Variants in PDE2A observed in about 807,000 individuals in gnomAD.
PDE2A encodes cGMP-dependent 3',5'-cyclic phosphodiesterase.
A neutral mutation model predicts 133.6 loss-of-function variants in PDE2A; 53 were observed. The ratio of observed to expected loss-of-function variants is 0.40; its 90% CI spans 0.32 to 0.50. The LOEUF (loss-of-function observed/expected upper bound fraction) is 0.50, where lower values mean the gene tolerates loss of function less well. PDE2A is among the 20% of genes least tolerant of loss of function. The pLI is 0.73. For missense variants in PDE2A, 796 were observed against 1,232.4 expected (o/e 0.65, Z 5.30); for synonymous variants, 491 against 490.2 (o/e 1.00, Z -0.02).
intron 2 of PDE2A, among the ~76,000 whole-genome samples, chr11:72,614,780 G>C (rs1857378650): frequency 6.6e-6 from 1 of 152,198 alleles, no homozygotes; most frequent in Non-Finnish European, 1.5e-5. Context: ...TTGCTCAGGT[G>C]AGAACAGCCA....
chr11:72,603,983 G>T (rs973378615), intron 4 of PDE2A, among the ~76,000 whole-genome samples: 2 of 152,214 alleles, frequency 1.3e-5, no homozygotes, highest in Non-Finnish European at 2.9e-5. Context: ...CCTGTGAAAG[G>T]TGAGTGGCTT....
rs572963633 is a variant in PDE2A, at chr11:72,590,255, C to T, written c.704-11G>A. ...GGTCGTAGAGTTCCCCTGCAAGGGC[C>T]AGGCGCCGGTCAGAGAGAGGGCCCC... On this transcript the variant is annotated splice_polypyrimidine_tract_variant and intron_variant, in intron 8 of 30. Transcript: ENST00000334456. This position sits in a 1 kb window ranked among gnomAD's most constrained non-coding sequence, Gnocchi z 4.8. 18 of 1,551,368 alleles carry T rather than the reference C, an allele frequency of 1.2e-5. No homozygotes were observed. The Admixed American group carries it at 2.7e-4, about 24-fold the overall frequency.
intron 2 of PDE2A, among the ~76,000 whole-genome samples, chr11:72,639,079 T>G (rs1036995500): frequency 6.6e-6 from 1 of 152,166 alleles, no homozygotes; most frequent in Non-Finnish European, 1.5e-5. Context: ...CCTTCCAATC[T>G]CAAGGAACCT....
intron 4 of PDE2A, among the ~76,000 whole-genome samples, chr11:72,603,934 T>G (rs76243523): frequency 6.6e-6 from 1 of 152,320 alleles, no homozygotes; most frequent in East Asian, 1.9e-4. Flanking sequence ...CTCAGGACCA[T>G]GAGTCCAGCA....
At chr11:72,620,601 G>A (rs949928312) in intron 2 of PDE2A, among the ~76,000 whole-genome samples, 2 of 152,154 alleles carry the variant, frequency 1.3e-5, no homozygotes, top group Non-Finnish European at 2.9e-5. Context: ...GGTCCCAAAA[G>A]ACAGGCACTT....
chr11:72,630,188 C>T (rs780811703), intron 2 of PDE2A, among the ~76,000 whole-genome samples: 5 of 152,136 alleles, frequency 3.3e-5, no homozygotes, highest in Non-Finnish European at 7.4e-5. Context: ...AGCCCTGCAC[C>T]GGTACCCATC....
At chr11:72,673,880 C>A (rs1855441321) in intron 1 of PDE2A, among the ~76,000 whole-genome samples, 1 of 152,146 alleles carries the variant, frequency 6.6e-6, no homozygotes, top group Non-Finnish European at 1.5e-5. Context: ...CTCCTCCAAC[C>A]AGCAGCCCCT....
chr11:72,625,992 A>T (rs676845), intron 2 of PDE2A, among the ~76,000 whole-genome samples: 1 of 152,142 alleles, frequency 6.6e-6, no homozygotes, highest in East Asian at 1.9e-4. Flanking sequence ...CCGGGGCCGC[A>T]GCATCTGGCC....
intron 5 of PDE2A, 152 bp from the exon 6 acceptor site, chr11:72,596,800 C>T (rs1020057389): frequency 7.1e-6 from 3 of 422,422 alleles, no homozygotes; most frequent in East Asian, 7.1e-5. Context: ...AACACAGAGG[C>T]GGGTCCTGAG....
At chr11:72,623,310 G>C (rs1480374083) in intron 2 of PDE2A, among the ~76,000 whole-genome samples, 1 of 151,858 alleles carries the variant, frequency 6.6e-6, no homozygotes, top group Non-Finnish European at 1.5e-5. Flanking sequence ...TCCTCCCTTG[G>C]CTTCTGGCTT....
At chr11:72,639,186 T>C (rs1170542466) in intron 2 of PDE2A, among the ~76,000 whole-genome samples, 1 of 152,186 alleles carries the variant, frequency 6.6e-6, no homozygotes, top group South Asian at 2.1e-4. Flanking sequence ...CCCTACAGAC[T>C]GCGTCAGTCT....
At chr11:72,589,273 A>T in intron 11 of PDE2A, 33 bp from the exon 12 acceptor site, 1 of 1,520,690 alleles carries the variant, frequency 6.6e-7, no homozygotes, top group Non-Finnish European at 9.1e-7. Context: ...GTCAGGGCCC[A>T]GTACTCCCCA....
intron 2 of PDE2A, among the ~76,000 whole-genome samples, chr11:72,610,339 A>C (rs1365833684): frequency 6.6e-6 from 1 of 152,176 alleles, no homozygotes; most frequent in Non-Finnish European, 1.5e-5. Context: ...GGTCACCAGG[A>C]GAGAGGGAGG....
chr11:72,584,429 G>T, intron 18 of PDE2A, 116 bp from the exon 19 acceptor site: 1 of 1,309,244 alleles, frequency 7.6e-7, no homozygotes, highest in Non-Finnish European at 1.1e-6. Flanking sequence ...CCCAGGCATG[G>T]AACCCGACTC....
At position 72,576,571 on chromosome 11, in the gene PDE2A, G is replaced by A. The variant is rs1056864; in HGVS notation, c.*813C>T. 3 of 169,454 alleles carry A rather than the reference G, an allele frequency of 1.8e-5. No homozygotes were observed. Among genetic ancestry groups the A allele is most frequent in the African/African-American group, 4.8e-5 (2 of 41,522 alleles). The allele number at this position is 169,454 out of a possible 1,614,324, so 10.5% of individuals were successfully genotyped here. A position where few individuals can be genotyped will look rare whatever the true frequency, so the allele number is the denominator to read the frequency against. ...AGCCTCTGCTGGGACTCCGCAGAGC[G>A]ATAGAGCTATTTTAGACATTGATCT... On this transcript the variant is annotated 3_prime_UTR_variant, in exon 31 of 31. Coordinates refer to ENST00000334456, the MANE Select transcript of PDE2A (RefSeq NM_002599.5).
At chr11:72,636,191 C>T in intron 2 of PDE2A, 1 of 1,026,440 alleles carries the variant, frequency 9.7e-7, no homozygotes, top group Middle Eastern at 4.1e-4. Context: ...CAGGAAGGTC[C>T]TGGAGCTGCA....
intron 1 of PDE2A, among the ~76,000 whole-genome samples, chr11:72,666,283 G>A (rs1260105695): frequency 2.0e-5 from 3 of 152,156 alleles, no homozygotes; most frequent in East Asian, 3.8e-4. Flanking sequence ...GGGTCCTGCT[G>A]GGTGACCTTG....
chr11:72,585,728 G>A (rs1855939637), intron 14 of PDE2A, 135 bp from the exon 15 acceptor site: 2 of 738,026 alleles, frequency 2.7e-6, no homozygotes, highest in Admixed American at 2.2e-5. Flanking sequence ...AACTGTCAGT[G>A]TCTAATTATA....
chr11:72,615,205 T>A lies in PDE2A; in HGVS notation c.145-6454A>T, dbSNP rs369713489. Reference sequence around the variant, plus strand: ...GACCCCACACTGTTGGCTCCTCCCTTCCAGCGCCCACAACCAGCTCCGCCC... The same window carrying A: ...GACCCCACACTGTTGGCTCCTCCCTACCAGCGCCCACAACCAGCTCCGCCC... On this transcript the variant is annotated intron_variant, in intron 2 of 30. Transcript: ENST00000334456. 9.0e-4 allele frequency: 354 copies of A among 392,084 alleles called. 1 individual carries two copies. The highest frequency in any genetic ancestry group is 6.4e-3 in the African/African-American group (321 of 49,768). 24.3% of individuals were successfully genotyped at this position (392,084 alleles called of 1,614,324 possible).
Sources: allele counts gnomAD v4.1 joint callset (sites outside exome capture counted in the v4.1 genomes callset), GRCh38; gene constraint gnomAD v4.1.1; non-coding constraint Gnocchi (gnomAD v3.1); transcripts MANE v1.5; gene names NCBI Gene and HGNC (gene_info 2026-07-23, HGNC 2026-07-21).